The following SCHIP1 variants were observed in gnomAD, a reference collection of about 807,000 sequenced individuals.
The protein encoded by SCHIP1 is schwannomin-interacting protein 1.
Under a neutral mutation model 29.7 loss-of-function variants are expected in SCHIP1, and 8 were observed. That is an observed-to-expected ratio of 0.27 (90% CI 0.16 to 0.49). The LOEUF (loss-of-function observed/expected upper bound fraction) is 0.49. SCHIP1 is among the 20% of genes least tolerant of loss of function. SCHIP1 has a pLI of 0.99. For synonymous variants in SCHIP1, 76 were observed against 94.9 expected (o/e 0.80, Z 1.16); for missense variants, 193 against 294.6 (o/e 0.66, Z 2.52).
chr3:159,684,085 T>C, the SCHIP1 span, among the ~76,000 whole-genome samples: 6 of 152,006 alleles, frequency 3.9e-5, no homozygotes, highest in African/African-American at 9.7e-5. Context: ...ACCTTTTATA[T>C]ATAAAACCAA....
the SCHIP1 span, chr3:159,763,763 G>A: frequency 1.3e-5 from 2 of 152,260 alleles, no homozygotes; most frequent in African/African-American, 4.8e-5. Flanking sequence ...GGAGGCGGGG[G>A]ACCACCCTGC....
the SCHIP1 span, among the ~76,000 whole-genome samples, chr3:159,371,551 A>G: frequency 3.3e-5 from 5 of 152,182 alleles, no homozygotes; most frequent in Non-Finnish European, 7.4e-5. Flanking sequence ...TTTAAAAGTT[A>G]AAAAGAAATA....
chr3:159,381,586 T>G, the SCHIP1 span, among the ~76,000 whole-genome samples: 2 of 151,870 alleles, frequency 1.3e-5, no homozygotes, highest in African/African-American at 4.8e-5. Flanking sequence ...CATCATCATT[T>G]CTCACCTGGA....
the SCHIP1 span, among the ~76,000 whole-genome samples, chr3:159,332,260 A>T: frequency 6.6e-6 from 1 of 152,206 alleles, no homozygotes; most frequent in Non-Finnish European, 1.5e-5. Flanking sequence ...TTGCCTATAT[A>T]AGCCTCTGTA....
At chr3:159,889,080 A>G (rs1717236505) in intron 5 of SCHIP1, 137 bp downstream of exon 6, 1 of 1,238,340 alleles carries the variant, frequency 8.1e-7, no homozygotes, top group Non-Finnish European at 1.1e-6. Flanking sequence ...GAGAATCACA[A>G]GGCTCTTTTT....
the SCHIP1 span, among the ~76,000 whole-genome samples, chr3:159,769,681 C>T: frequency 5.9e-5 from 9 of 152,082 alleles, no homozygotes; most frequent in African/African-American, 1.4e-4. Context: ...ACCCAGGAGG[C>T]GGAGGTTGCA....
At chr3:159,286,900 C>T in the SCHIP1 span, among the ~76,000 whole-genome samples, 1 of 152,102 alleles carries the variant, frequency 6.6e-6, no homozygotes, top group Admixed American at 6.5e-5. Context: ...ATGTCCTTTG[C>T]CCACTTTTTA....
the SCHIP1 span, among the ~76,000 whole-genome samples, chr3:159,430,549 A>T: frequency 1.3e-5 from 2 of 152,194 alleles, no homozygotes; most frequent in Non-Finnish European, 2.9e-5. Context: ...GGCATTGAAT[A>T]GAAAAAGGGA....
the SCHIP1 span, among the ~76,000 whole-genome samples, chr3:159,341,101 C>T: frequency 6.6e-6 from 1 of 152,052 alleles, no homozygotes; most frequent in Non-Finnish European, 1.5e-5. Flanking sequence ...CTGCTTACGG[C>T]CCAGCTGGCA....
At chr3:159,622,650 G>A in the SCHIP1 span, among the ~76,000 whole-genome samples, 1 of 152,158 alleles carries the variant, frequency 6.6e-6, no homozygotes, top group African/African-American at 2.4e-5. Context: ...CGGGCATGGT[G>A]GCTCACACCT....
At chr3:159,839,912 C>T in exon 1 of SCHIP1, 1 of 1,397,136 alleles carries the variant, frequency 7.2e-7, no homozygotes, top group Non-Finnish European at 9.2e-7. Flanking sequence ...GATGAGCGCC[C>T]CCTCCCCCAG....
the SCHIP1 span, among the ~76,000 whole-genome samples, chr3:159,441,580 G>A: frequency 0.02 from 3,062 of 152,134 alleles, 112 homozygotes; most frequent in African/African-American, 0.07. Flanking sequence ...CAACCACCAT[G>A]TGAAGTGCCT....
the SCHIP1 span, among the ~76,000 whole-genome samples, chr3:159,402,917 A>AACTT: frequency 1.3e-5 from 2 of 151,614 alleles, no homozygotes; most frequent in Non-Finnish European, 3.0e-5. Context: ...GGTCCCCTAA[A>AACTT]ACTTAAAGTA....
At chr3:159,884,173 ACAGCTTTTTTCCCACCATCTTC>A (rs1471021868) in intron 2 of SCHIP1, among the ~76,000 whole-genome samples, 4 of 152,164 alleles carry the variant, frequency 2.6e-5, no homozygotes, top group Non-Finnish European at 5.9e-5. Context: ...TAATTTGCTA[ACAGCTTTTTTCCCACCATCTTC>A]CAATCCATAG....
the SCHIP1 span, chr3:159,765,166 C>T: frequency 3.9e-6 from 6 of 1,536,178 alleles, no homozygotes; most frequent in Non-Finnish European, 5.3e-6. Context: ...CGTGCCCACG[C>T]GCGCACACAC....
chr3:159,391,222 T>C, the SCHIP1 span, among the ~76,000 whole-genome samples: 1 of 152,192 alleles, frequency 6.6e-6, no homozygotes, highest in Non-Finnish European at 1.5e-5. Context: ...CCAGTTCTCC[T>C]AGAGTTTTTT....
At chr3:159,386,089 C>G in the SCHIP1 span, among the ~76,000 whole-genome samples, 1 of 152,142 alleles carries the variant, frequency 6.6e-6, no homozygotes, top group African/African-American at 2.4e-5. Context: ...TTTATCTAGT[C>G]TATCATTGAT....
At chr3:159,516,809 T>C in the SCHIP1 span, among the ~76,000 whole-genome samples, 923 of 152,248 alleles carry the variant, frequency 6.1e-3, 9 homozygotes, top group African/African-American at 0.021. Flanking sequence ...CCTGAGCTTC[T>C]GCTCACAATT....
At chr3:159,800,943 T>A in the SCHIP1 span, among the ~76,000 whole-genome samples, 1 of 145,906 alleles carries the variant, frequency 6.9e-6, no homozygotes, top group Non-Finnish European at 1.5e-5. Flanking sequence ...AATTTCTATA[T>A]TTAAATGTTG....
Sources: allele counts gnomAD v4.1 joint callset (sites outside exome capture counted in the v4.1 genomes callset), GRCh38; gene constraint gnomAD v4.1.1; transcripts MANE v1.5; gene names NCBI Gene and HGNC (gene_info 2026-07-23, HGNC 2026-07-21).